The following OPN5 variants were observed in gnomAD, a reference collection of about 807,000 sequenced individuals.
OPN5 encodes the protein opsin-5.
A neutral mutation model predicts 41.7 loss-of-function variants in OPN5; 18 were observed. The observed-to-expected ratio is 0.43, with a 90% CI of 0.30 to 0.64. OPN5 has a LOEUF of 0.64. Ranked by LOEUF, OPN5 falls within the 30% of genes least tolerant of loss-of-function variation. The pLI is 0.13. For missense variants in OPN5, 318 were observed against 434.5 expected, an observed-to-expected ratio of 0.73 and a Z score of 2.38; for synonymous variants, 178 against 164.3, an observed-to-expected ratio of 1.08 and a Z score of -0.64.
At chr6:47,794,083 T>C (rs1012446307) in intron 3 of OPN5, among the ~76,000 whole-genome samples, 2 of 152,218 alleles carry the variant, frequency 1.3e-5, no homozygotes, top group Non-Finnish European at 2.9e-5. Context: ...TTCATGTTAA[T>C]ATAGCACTTT....
At chr6:47,809,410 C>A (rs1774105760) in intron 5 of OPN5, among the ~76,000 whole-genome samples, 1 of 152,092 alleles carries the variant, frequency 6.6e-6, no homozygotes, top group African/African-American at 2.4e-5. Context: ...ATATTTTGGA[C>A]TTTAGGTTCC....
At chr6:47,806,817 C>T (rs1048790240) in intron 4 of OPN5, among the ~76,000 whole-genome samples, 5 of 152,116 alleles carry the variant, frequency 3.3e-5, no homozygotes, top group Non-Finnish European at 7.3e-5. Context: ...TTTGTTTCAC[C>T]ACTATTTCTT....
intron 6 of OPN5, among the ~76,000 whole-genome samples, chr6:47,818,505 G>T (rs2114007807): frequency 6.6e-6 from 1 of 152,274 alleles, no homozygotes; most frequent in East Asian, 1.9e-4. Flanking sequence ...CTAGTGTTTT[G>T]CAGAAACTCA....
At chr6:47,790,868 C>T (rs549333447) in intron 2 of OPN5, among the ~76,000 whole-genome samples, 1 of 152,234 alleles carries the variant, frequency 6.6e-6, no homozygotes, top group South Asian at 2.1e-4. Flanking sequence ...AGACACTTAA[C>T]TCCTAAAGTA....
intron 5 of OPN5, among the ~76,000 whole-genome samples, chr6:47,809,359 G>A (rs1774102449): frequency 6.6e-6 from 1 of 151,992 alleles, no homozygotes; most frequent in Admixed American, 6.6e-5. Context: ...AGAAGATGTG[G>A]GTTTTGTCTT....
chr6:47,782,294 GT>G, intron 1 of OPN5, 98 bp downstream of exon 1: 1 of 1,164,370 alleles, frequency 8.6e-7, no homozygotes. Flanking sequence ...TAAGTGGATA[GT>G]TTAGTGGAGG....
chr6:47,807,693 A>T (rs922679167), intron 4 of OPN5, among the ~76,000 whole-genome samples: 5 of 152,158 alleles, frequency 3.3e-5, no homozygotes, highest in African/African-American at 9.7e-5. Flanking sequence ...CATTTAATAG[A>T]AATTTCTGAA....
chr6:47,795,318 C>A, exon 4 of OPN5: 1 of 1,614,074 alleles, frequency 6.2e-7, no homozygotes, highest in Non-Finnish European at 8.5e-7. Context: ...CTTGGTAGGT[C>A]TGGGGGACTA....
chr6:47,787,008 A>G (rs749216229), intron 2 of OPN5: 3 of 960,512 alleles, frequency 3.1e-6, no homozygotes, highest in Non-Finnish European at 3.7e-6. Flanking sequence ...ACCCTTATGG[A>G]AGTCTGATTA....
intron 4 of OPN5, among the ~76,000 whole-genome samples, chr6:47,800,795 T>G (rs921339174): frequency 2.6e-5 from 4 of 152,256 alleles, no homozygotes; most frequent in African/African-American, 9.6e-5. Flanking sequence ...TTCACTGTTG[T>G]AGTTTTTCTT....
downstream of OPN5, chr6:47,824,766 T>C (rs1182809508): frequency 2.0e-5 from 3 of 152,158 alleles, no homozygotes; most frequent in African/African-American, 7.2e-5. Context: ...CTCCTCGGGA[T>C]GCTTCCTCTC....
intron 2 of OPN5, among the ~76,000 whole-genome samples, chr6:47,790,492 A>G (rs1025438725): frequency 6.6e-6 from 1 of 152,188 alleles, no homozygotes; most frequent in Non-Finnish European, 1.5e-5. Flanking sequence ...GCTGGGCTAT[A>G]TAATTATCCT....
At chr6:47,802,078 A>T (rs1472533412) in intron 4 of OPN5, among the ~76,000 whole-genome samples, 2 of 152,206 alleles carry the variant, frequency 1.3e-5, no homozygotes, top group Non-Finnish European at 2.9e-5. Flanking sequence ...CCCTGCTTAG[A>T]GTGAGAGGAG....
chr6:47,804,477 C>T (rs1773889308), intron 4 of OPN5, among the ~76,000 whole-genome samples: 1 of 152,082 alleles, frequency 6.6e-6, no homozygotes, highest in African/African-American at 2.4e-5. Flanking sequence ...ATATTCCAAG[C>T]TGAGTAGAAA....
exon 6 of OPN5, chr6:47,811,692 A>G: frequency 1.2e-6 from 2 of 1,612,602 alleles, no homozygotes; most frequent in Non-Finnish European, 1.7e-6. Flanking sequence ...CCGTAACCAC[A>G]GTCAGGAAGT....
chr6:47,814,313 T>C (rs1762367183), intron 6 of OPN5, among the ~76,000 whole-genome samples: 1 of 152,056 alleles, frequency 6.6e-6, no homozygotes. Context: ...TGTACAAACG[T>C]CCCTGAAGAC....
At position 47,795,583 on chromosome 6, in the gene OPN5, A is replaced by T; in HGVS notation, c.756+20A>T. 1 of 1,562,080 alleles carries T rather than the reference A, an allele frequency of 6.4e-7. No individual in the cohort carries two copies. The highest frequency in any genetic ancestry group is 8.8e-7 in the Non-Finnish European group (1 of 1,134,018). Reference sequence around the variant, plus strand: ...ACAAAGGTAAGTGCACTAATATTTTACACATGTGTTTTCTGACTACTTACA... The same window carrying T: ...ACAAAGGTAAGTGCACTAATATTTTTCACATGTGTTTTCTGACTACTTACA... On this transcript the variant is annotated intron_variant, in intron 4 of 6. Coordinates refer to ENST00000371211, the Ensembl canonical transcript of OPN5.
chr6:47,782,226 G>A, intron 1 of OPN5, 30 bp downstream of exon 1: 3 of 1,605,162 alleles, frequency 1.9e-6, no homozygotes, highest in Non-Finnish European at 2.6e-6. Flanking sequence ...CTGTGCAAAG[G>A]CTGCATTTAG....
chr6:47,800,510 C>T (rs565901821), intron 4 of OPN5, among the ~76,000 whole-genome samples: 12 of 152,318 alleles, frequency 7.9e-5, no homozygotes, highest in African/African-American at 2.6e-4. Flanking sequence ...TTCTACAATA[C>T]TGATGTTATT....
Sources: gnomAD v4.1 joint callset for allele counts (sites outside exome capture counted in the v4.1 genomes callset) on GRCh38, gnomAD v4.1.1 for gene constraint, MANE v1.5 for transcripts, NCBI Gene and HGNC (gene_info 2026-07-23, HGNC 2026-07-21) for gene names.